TAFA2: variants seen among roughly 807,000 people sequenced by gnomAD.
TAFA2 encodes chemokine-like protein TAFA-2.
TAFA2 carries 7 observed loss-of-function variants against 18.8 expected under a neutral mutation model. That is an observed-to-expected ratio of 0.37 (90% CI 0.21 to 0.70). The LOEUF is 0.70. Ranked by LOEUF, TAFA2 falls within the 30% of genes least tolerant of loss-of-function variation. The pLI, the probability that TAFA2 is intolerant of heterozygous loss-of-function variation, is 0.53. For synonymous variants in TAFA2, 60 were observed against 54.2 expected (o/e 1.11, Z -0.47); for missense variants, 122 against 158.1 (o/e 0.77, Z 1.23).
chr12:62,166,562 T>C (rs1489675412), intron 1 of TAFA2, among the ~76,000 whole-genome samples: 2 of 152,266 alleles, frequency 1.3e-5, no homozygotes, highest in Middle Eastern at 3.4e-3. Flanking sequence ...CTCATCTTTT[T>C]CCCTTTCCCC....
chr12:61,722,286 G>A (rs993486039), intron 4 of TAFA2, among the ~76,000 whole-genome samples: 43 of 152,138 alleles, frequency 2.8e-4, no homozygotes, highest in African/African-American at 9.9e-4. Flanking sequence ...GAAAATATTT[G>A]TGTTATTGAG....
At chr12:61,885,243 C>T (rs1875324287) in intron 1 of TAFA2, among the ~76,000 whole-genome samples, 1 of 152,184 alleles carries the variant, frequency 6.6e-6, no homozygotes. Context: ...TTCCTTCTAG[C>T]ATATCATCCT....
At chr12:61,872,054 C>T (rs763696838) in intron 1 of TAFA2, among the ~76,000 whole-genome samples, 9 of 132,934 alleles carry the variant, frequency 6.8e-5, no homozygotes, top group Admixed American at 7.9e-5. Flanking sequence ...ACTGCGCCAC[C>T]GCACTCCATT....
At chr12:62,030,216 G>A (rs924422219) in intron 1 of TAFA2, among the ~76,000 whole-genome samples, 6 of 152,056 alleles carry the variant, frequency 3.9e-5, no homozygotes, top group African/African-American at 9.7e-5. Context: ...AGATGAAGAC[G>A]GGGTTGCCAT....
chr12:62,227,680 T>C (rs1299306797), intron 1 of TAFA2, among the ~76,000 whole-genome samples: 6 of 152,210 alleles, frequency 3.9e-5, no homozygotes, highest in Non-Finnish European at 8.8e-5. Context: ...TGAGGTCTTA[T>C]CCAAAATGTC....
chr12:61,858,606 TTA>T (rs1873986441), intron 2 of TAFA2, among the ~76,000 whole-genome samples: 1 of 152,092 alleles, frequency 6.6e-6, no homozygotes, highest in African/African-American at 2.4e-5. Context: ...TAGGTTGCAT[TTA>T]TATGTTTTTC....
intron 1 of TAFA2, among the ~76,000 whole-genome samples, chr12:62,176,281 A>G (rs2062512993): frequency 6.6e-6 from 1 of 152,202 alleles, no homozygotes; most frequent in African/African-American, 2.4e-5. Context: ...TTTGTCATTA[A>G]TCAAAAAATT....
chr12:62,255,622 G>C (rs183947494), intron 1 of TAFA2, among the ~76,000 whole-genome samples: 3 of 152,078 alleles, frequency 2.0e-5, no homozygotes, highest in Non-Finnish European at 4.4e-5. Flanking sequence ...GGAGGCTGAG[G>C]CAGGTGGATC....
intron 2 of TAFA2, among the ~76,000 whole-genome samples, chr12:61,788,991 G>A (rs1870859551): frequency 6.6e-6 from 1 of 151,752 alleles, no homozygotes; most frequent in East Asian, 1.9e-4. Context: ...TTTTGATGGG[G>A]TCATTTTTTT....
At chr12:61,829,634 A>C (rs1406797835) in intron 2 of TAFA2, among the ~76,000 whole-genome samples, 1 of 151,724 alleles carries the variant, frequency 6.6e-6, no homozygotes, top group Admixed American at 6.6e-5. Flanking sequence ...TTTAATAAAT[A>C]TCAAGAAAAA....
At chr12:61,952,432 T>G (rs1878501944) in intron 1 of TAFA2, among the ~76,000 whole-genome samples, 1 of 152,188 alleles carries the variant, frequency 6.6e-6, no homozygotes, top group Non-Finnish European at 1.5e-5. Flanking sequence ...TTTTATATTT[T>G]TATTCCCTGT....
chr12:61,955,325 C>T (rs1025460761), intron 1 of TAFA2, among the ~76,000 whole-genome samples: 2 of 151,454 alleles, frequency 1.3e-5, no homozygotes, highest in Non-Finnish European at 2.9e-5. Flanking sequence ...CATTGTAGGC[C>T]GAGCATGGTG....
At chr12:61,769,744 C>T (rs1389283787) in intron 2 of TAFA2, among the ~76,000 whole-genome samples, 4 of 152,064 alleles carry the variant, frequency 2.6e-5, no homozygotes, top group Admixed American at 2.0e-4. Flanking sequence ...TGATCAGCAG[C>T]CCCTGAGTCT....
At chr12:62,215,563 CAA>C (rs35638033) in intron 1 of TAFA2, among the ~76,000 whole-genome samples, 1,459 of 78,986 alleles carry the variant, frequency 0.018, 25 homozygotes, top group African/African-American at 0.048. Flanking sequence ...ACTTGTCTTT[CAA>C]AAAAAAAAAA....
chr12:62,145,024 A>G (rs1565759276), intron 1 of TAFA2, among the ~76,000 whole-genome samples: 1 of 152,256 alleles, frequency 6.6e-6, no homozygotes, highest in Non-Finnish European at 1.5e-5. Flanking sequence ...TGTTCCCTTC[A>G]ACAATAATCA....
At chr12:62,115,940 C>T (rs572863688) in intron 1 of TAFA2, among the ~76,000 whole-genome samples, 1 of 152,134 alleles carries the variant, frequency 6.6e-6, no homozygotes, top group South Asian at 2.1e-4. Context: ...GGTCTAGCCT[C>T]CCAGATAAAG....
At chr12:61,933,858 C>A (rs1877660520) in intron 1 of TAFA2, among the ~76,000 whole-genome samples, 1 of 152,216 alleles carries the variant, frequency 6.6e-6, no homozygotes, top group Non-Finnish European at 1.5e-5. Flanking sequence ...CATTTTAAAA[C>A]TCCACAACAT....
intron 2 of TAFA2, among the ~76,000 whole-genome samples, chr12:61,828,304 A>T (rs1394368478): frequency 6.6e-6 from 1 of 151,914 alleles, no homozygotes; most frequent in South Asian, 2.1e-4. Context: ...GATGACCAAA[A>T]CGACCATTTT....
chr12:62,021,588 G>A, intron 1 of TAFA2: 2 of 894,812 alleles, frequency 2.2e-6, no homozygotes, highest in Non-Finnish European at 3.8e-6. Flanking sequence ...GGACTGGCTG[G>A]GTGACGGCAG....
Sources: allele counts gnomAD v4.1 joint callset (sites outside exome capture counted in the v4.1 genomes callset), GRCh38; gene constraint gnomAD v4.1.1; transcripts MANE v1.5; gene names NCBI Gene and HGNC (gene_info 2026-07-23, HGNC 2026-07-21).